Variants in BDKRB2 observed in about 807,000 individuals in gnomAD.
BDKRB2 encodes the protein bradykinin receptor B2.
A neutral mutation model predicts 4.0 loss-of-function variants in BDKRB2; 6 were observed. The observed-to-expected ratio is 1.49, with a 90% CI of 0.81 to 2.93. The LOEUF (loss-of-function observed/expected upper bound fraction) is 2.93. BDKRB2 is among the 30% of genes most tolerant of loss of function. The pLI is 0.00. For missense variants in BDKRB2, 478 were observed against 520.1 expected (o/e 0.92, Z 0.79); for synonymous variants, 225 against 215.3 (o/e 1.05, Z -0.40).
At chr14:96,226,097 G>T (rs929791701) in intron 1 of BDKRB2, among the ~76,000 whole-genome samples, 2 of 152,172 alleles carry the variant, frequency 1.3e-5, no homozygotes, top group Non-Finnish European at 2.9e-5. Flanking sequence ...TCCTTTCTAT[G>T]TGGTTTTTGG....
intron 1 of BDKRB2, among the ~76,000 whole-genome samples, chr14:96,208,728 G>A (rs1278600044): frequency 1.3e-5 from 2 of 152,122 alleles, no homozygotes; most frequent in Non-Finnish European, 2.9e-5. Context: ...CTGTGTCCAG[G>A]CAATGAGCCT....
chr14:96,235,729 C>T (rs546398637), intron 1 of BDKRB2, among the ~76,000 whole-genome samples: 4 of 152,180 alleles, frequency 2.6e-5, no homozygotes, highest in South Asian at 4.2e-4. Flanking sequence ...ACCCAGGTGC[C>T]GGGTGTTGCA....
intron 1 of BDKRB2, among the ~76,000 whole-genome samples, chr14:96,230,739 C>T (rs953612015): frequency 1.3e-5 from 2 of 152,134 alleles, no homozygotes; most frequent in Non-Finnish European, 2.9e-5. Context: ...GCCTCAGCCC[C>T]CCAAGTAGCT....
chr14:96,226,427 G>A (rs1291155287), intron 1 of BDKRB2, among the ~76,000 whole-genome samples: 2 of 152,210 alleles, frequency 1.3e-5, no homozygotes. Context: ...GCTGAGGCGG[G>A]CGGATTACCT....
intron 1 of BDKRB2, among the ~76,000 whole-genome samples, chr14:96,210,031 C>G (rs1215797772): frequency 6.6e-6 from 1 of 152,004 alleles, no homozygotes; most frequent in Non-Finnish European, 1.5e-5. Context: ...TCATCATCAT[C>G]ATCATAGCAT....
At chr14:96,234,632 T>C (rs988079113) in intron 1 of BDKRB2, among the ~76,000 whole-genome samples, 1 of 152,132 alleles carries the variant, frequency 6.6e-6, no homozygotes, top group South Asian at 2.1e-4. Flanking sequence ...TCCCAAATTC[T>C]CCCAGTTCCT....
chr14:96,241,048 C>A lies in BDKRB2; in HGVS notation c.720C>A (p.Ile240=). The change falls in exon 3 of 3, where the codon ATC becomes ATA. Residue 240 remains isoleucine, a synonymous_variant. Coordinates refer to ENST00000554311, the MANE Select transcript of BDKRB2 (RefSeq NM_001379692.1). ...VVGFLLPLSV[I]TFCTMQIMQV... ...GCTTCCTGCTGCCCCTGAGTGTCAT[C>A]ACCTTCTGCACGATGCAGATCATGC... is the stretch of plus-strand genomic sequence containing the variant. The A allele has an allele frequency of 6.2e-7, 1 of 1,612,338 alleles. No homozygotes were observed. Among genetic ancestry groups the A allele is most frequent in the Admixed American group, 1.7e-5 (1 of 59,988 alleles).
chr14:96,206,629 C>T (rs1890185432), intron 1 of BDKRB2, among the ~76,000 whole-genome samples: 1 of 152,048 alleles, frequency 6.6e-6, no homozygotes, highest in South Asian at 2.1e-4. Flanking sequence ...AACCGAATAG[C>T]TGTGCCACGT....
chr14:96,241,345 C>T lies in BDKRB2; in HGVS notation c.1017C>T (p.Phe339=), dbSNP rs201070125. ...PLVYVIVGKR[F]RKKSWEVYQG... Reference sequence around the variant, plus strand: ...TGTACGTGATCGTGGGCAAGCGCTTCCGAAAGAAGTCTTGGGAGGTGTACC... The same window carrying T: ...TGTACGTGATCGTGGGCAAGCGCTTTCGAAAGAAGTCTTGGGAGGTGTACC... Residue 339 remains phenylalanine (F), a synonymous_variant, in exon 3 of 3, where the codon TTC becomes TTT. Transcript: ENST00000554311. The T allele has an allele frequency of 6.2e-7, 1 of 1,614,052 alleles. No individual in the cohort carries two copies. The highest frequency in any genetic ancestry group is 1.3e-5 in the African/African-American group (1 of 75,056).
intron 1 of BDKRB2, among the ~76,000 whole-genome samples, chr14:96,212,255 C>T (rs1284102579): frequency 6.6e-6 from 1 of 152,074 alleles, no homozygotes; most frequent in Non-Finnish European, 1.5e-5. Flanking sequence ...ATCAAAGAGA[C>T]AGATCATCAA....
At chr14:96,223,293 A>G (rs1384639876) in intron 1 of BDKRB2, 7 of 1,058,484 alleles carry the variant, frequency 6.6e-6, no homozygotes, top group Non-Finnish European at 8.9e-6. Context: ...TCCATGAATC[A>G]GAACCTCACA....
intron 1 of BDKRB2, among the ~76,000 whole-genome samples, chr14:96,217,581 C>T (rs1244851325): frequency 6.6e-6 from 1 of 152,230 alleles, no homozygotes; most frequent in African/African-American, 2.4e-5. Flanking sequence ...GGTGGCACTA[C>T]CTCATTTCAC....
At chr14:96,230,622 T>G (rs1224825838) in intron 1 of BDKRB2, among the ~76,000 whole-genome samples, 1 of 2,990 alleles carries the variant, frequency 3.3e-4, no homozygotes, top group Non-Finnish European at 9.2e-4. Context: ...TTGCTGTAGT[T>G]TTTTTTTTTT....
At chr14:96,238,227 A>C (rs909858540) in intron 2 of BDKRB2, 23 of 570,616 alleles carry the variant, frequency 4.0e-5, no homozygotes, top group Non-Finnish European at 4.4e-5. Context: ...CAAGGTGGCA[A>C]GTTGGTTCCC....
At position 96,240,947 on chromosome 14, in the gene BDKRB2, A is replaced by G. The variant is rs1196125459; in HGVS notation, c.619A>G (p.Asn207Asp). ...GAAGGAGTACAGCGATGAGGGCCAC[A>G]ACGTCACCGCTTGTGTCATCAGCTA... is the stretch of plus-strand genomic sequence containing the variant. ...TMKEYSDEGH[N>D]VTACVISYPS... Residue 207 changes from asparagine (N) to aspartate (D), a missense_variant, in exon 3 of 3, where the codon AAC becomes GAC. Transcript: ENST00000554311. 1 of 1,593,520 alleles carries G rather than the reference A, an allele frequency of 6.3e-7. No homozygotes were observed. Among genetic ancestry groups the G allele is most frequent in the Non-Finnish European group, 8.6e-7 (1 of 1,169,060 alleles).
At chr14:96,237,841 G>A (rs2139797164) in intron 2 of BDKRB2, 1 of 1,289,716 alleles carries the variant, frequency 7.8e-7, no homozygotes, top group Non-Finnish European at 1.0e-6. Flanking sequence ...CTCAGAGCCA[G>A]GGATGGGCCA....
Position 96,222,410 on chromosome 14 carries a change from T to C in BDKRB2, c.-39-14659T>C, listed in dbSNP as rs182925505. Among the ~76,000 whole-genome samples, 62 of 152,042 alleles carry C rather than the reference T, an allele frequency of 4.1e-4. 1 individual carries two copies. In the South Asian group the frequency reaches 1.0e-2, roughly 24 times the overall value. ...CTTCCTGGAGGATGTGGGGTGAAAG[T>C]TCCAAGCTTTGTATCATGGCCTGGT... On this transcript the variant is annotated intron_variant, in intron 1 of 2. Coordinates refer to ENST00000554311, the MANE Select transcript of BDKRB2 (RefSeq NM_001379692.1).
rs201983929 is a variant in BDKRB2 at position 96,237,193 on chromosome 14, G to A, written c.74+12G>A. Reference sequence around the variant, plus strand: ...ACGGCCTCTTTCAGGTGAGTCAAAGGGATTCCTCAGTTCACTAGTTAGGGG... The same window carrying A: ...ACGGCCTCTTTCAGGTGAGTCAAAGAGATTCCTCAGTTCACTAGTTAGGGG... On this transcript the variant is annotated intron_variant, in intron 2 of 2. Coordinates refer to ENST00000554311, the MANE Select transcript of BDKRB2 (RefSeq NM_001379692.1). 8 of 1,608,076 alleles carry A rather than the reference G, an allele frequency of 5.0e-6. No individual in the cohort carries two copies. In the African/African-American group the frequency reaches 6.7e-5, roughly 13 times the overall value.
chr14:96,207,297 C>A (rs534975151), intron 1 of BDKRB2, among the ~76,000 whole-genome samples: 8 of 152,146 alleles, frequency 5.3e-5, no homozygotes, highest in African/African-American at 1.9e-4. Context: ...GCTCATATAG[C>A]AGGCAATAAA....
Sources: gnomAD v4.1 joint callset for allele counts (sites outside exome capture counted in the v4.1 genomes callset) on GRCh38, gnomAD v4.1.1 for gene constraint, MANE v1.5 for transcripts, NCBI Gene and HGNC (gene_info 2026-07-23, HGNC 2026-07-21) for gene names.